TANC1: variants seen among roughly 807,000 people sequenced by gnomAD.
The protein encoded by TANC1 is tetratricopeptide repeat, ankyrin repeat and coiled-coil containing 1.
A neutral mutation model predicts 149.7 loss-of-function variants in TANC1; 77 were observed. The ratio of observed to expected loss-of-function variants is 0.51; its 90% CI spans 0.43 to 0.62. The LOEUF is 0.62. Ranked by LOEUF, TANC1 falls within the 20% of genes least tolerant of loss-of-function variation. The pLI is 0.00. For synonymous variants in TANC1, 854 were observed against 925.0 expected (o/e 0.92, Z 1.39); for missense variants, 1,985 against 2,321.8 (o/e 0.85, Z 2.98).
intron 4 of TANC1, among the ~76,000 whole-genome samples, chr2:159,120,435 G>T: frequency 6.6e-6 from 1 of 151,992 alleles, no homozygotes; most frequent in Non-Finnish European, 1.5e-5. Context: ...ACTTTACATG[G>T]TGGAGGGACT....
chr2:159,102,711 G>GT (rs2046846640), intron 4 of TANC1, among the ~76,000 whole-genome samples: 1 of 52,588 alleles, frequency 1.9e-5, no homozygotes, highest in African/African-American at 5.7e-5. Context: ...TTGGATATTT[G>GT]CTTTTTTTTT....
chr2:159,140,067 C>A (rs1461177608), intron 5 of TANC1, among the ~76,000 whole-genome samples: 1 of 151,746 alleles, frequency 6.6e-6, no homozygotes, highest in Non-Finnish European at 1.5e-5. Flanking sequence ...AACAAAAAGT[C>A]AAAAAATTAG....
intron 7 of TANC1, among the ~76,000 whole-genome samples, chr2:159,155,111 G>A (rs1457245866): frequency 6.6e-6 from 1 of 152,206 alleles, no homozygotes; most frequent in Non-Finnish European, 1.5e-5. Flanking sequence ...CACTGAAAAT[G>A]TGTTTTAAAG....
chr2:159,042,771 G>A (rs1350115070), intron 2 of TANC1, among the ~76,000 whole-genome samples: 3 of 152,068 alleles, frequency 2.0e-5, no homozygotes, highest in Non-Finnish European at 2.9e-5. Flanking sequence ...AAGAGCAAAG[G>A]TGTGAAGTTG....
At position 159,231,513 on chromosome 2, in the gene TANC1, T is replaced by G. The variant is rs1254514881; in HGVS notation, c.*501T>G. The G allele has an allele frequency of 1.3e-5, 2 of 155,270 alleles. No homozygotes were observed. The highest frequency in any genetic ancestry group is 2.9e-5 in the Non-Finnish European group (2 of 69,988). The allele number at this position is 155,270 out of a possible 1,614,324, so 9.6% of individuals were successfully genotyped here. ...AATTAAGTTCTGAGTGAGTTCTAGC[T>G]AAATATAAGTGCGACTGTAAACGCA... On this transcript the variant is annotated 3_prime_UTR_variant, in exon 27 of 27. Transcript: ENST00000263635.
At chr2:159,015,124 C>T (rs2038138076) in intron 2 of TANC1, among the ~76,000 whole-genome samples, 2 of 152,242 alleles carry the variant, frequency 1.3e-5, no homozygotes, top group Non-Finnish European at 2.9e-5. Flanking sequence ...CGTGAGGGGT[C>T]TACCCCTACA....
At chr2:159,060,121 GACTA>G (rs928918638) in intron 2 of TANC1, 3 of 972,492 alleles carry the variant, frequency 3.1e-6, no homozygotes, top group African/African-American at 1.8e-5. Context: ...ACGTGAGTCA[GACTA>G]ACTACGTTTT....
intron 9 of TANC1, among the ~76,000 whole-genome samples, chr2:159,170,154 A>T (rs1011632389): frequency 9.2e-5 from 14 of 152,210 alleles, no homozygotes; most frequent in Admixed American, 8.5e-4. Context: ...TTTTATTCAT[A>T]CAGCAGGGAA....
chr2:159,226,088 T>A (rs2060008125), intron 24 of TANC1: 9 of 354,716 alleles, frequency 2.5e-5, no homozygotes, highest in South Asian at 2.3e-4. Context: ...GAGAATTGTT[T>A]CAATCTGGGA....
intron 5 of TANC1, among the ~76,000 whole-genome samples, chr2:159,137,708 T>G (rs1036149115): frequency 2.0e-5 from 3 of 152,180 alleles, no homozygotes; most frequent in African/African-American, 7.2e-5. Flanking sequence ...TGAATATCAG[T>G]CATCAAATGT....
At chr2:159,012,208 A>C (rs909210693) in intron 2 of TANC1, among the ~76,000 whole-genome samples, 26 of 152,332 alleles carry the variant, frequency 1.7e-4, no homozygotes, top group African/African-American at 6.3e-4. Context: ...AGCTTTTCTA[A>C]AAGTGAAATT....
chr2:158,978,062 T>G (rs1045965949), intron 1 of TANC1, among the ~76,000 whole-genome samples: 1 of 152,234 alleles, frequency 6.6e-6, no homozygotes, highest in Non-Finnish European at 1.5e-5. Context: ...AATGTCTTTC[T>G]CTGTTTGCTT....
At chr2:159,075,283 A>C (rs1235082757) in intron 3 of TANC1, among the ~76,000 whole-genome samples, 1 of 152,224 alleles carries the variant, frequency 6.6e-6, no homozygotes, top group East Asian at 1.9e-4. Flanking sequence ...AATTCGAAAA[A>C]TACGCTGGGC....
At chr2:159,078,342 G>A (rs2043905584) in intron 3 of TANC1, among the ~76,000 whole-genome samples, 1 of 152,172 alleles carries the variant, frequency 6.6e-6, no homozygotes, top group South Asian at 2.1e-4. Context: ...TTGGTAAGTG[G>A]TTAATCATCT....
At chr2:159,156,529 A>G (rs533942460) in intron 7 of TANC1, among the ~76,000 whole-genome samples, 3 of 152,306 alleles carry the variant, frequency 2.0e-5, no homozygotes, top group Admixed American at 6.5e-5. Flanking sequence ...CACAGCATCT[A>G]TTGTCAAAAC....
At chr2:159,171,935 C>G (rs570619146) in intron 10 of TANC1, among the ~76,000 whole-genome samples, 186 bp from the exon 11 acceptor site, 27 of 151,736 alleles carry the variant, frequency 1.8e-4, no homozygotes, top group African/African-American at 6.5e-4. Context: ...TGGCTGTTCT[C>G]CAGGGAGGGG....
chr2:159,170,765 G>A lies in TANC1; in HGVS notation c.1311G>A (p.Met437Ile). 6.2e-7 allele frequency: 1 copy of A among 1,614,250 alleles called. No individual in the cohort carries two copies. Among genetic ancestry groups the A allele is most frequent in the Non-Finnish European group, 8.5e-7 (1 of 1,180,046 alleles). ...LVALSCHGSRMRQIASNSPGS... is the reference protein window; with the variant it reads ...LVALSCHGSRIRQIASNSPGS... Reference sequence around the variant, plus strand: ...CCCTGAGCTGCCACGGAAGCCGCATGAGGCAGATTGCTTCCAACAGCCCGG... The same window carrying A: ...CCCTGAGCTGCCACGGAAGCCGCATAAGGCAGATTGCTTCCAACAGCCCGG... The change falls in exon 10 of 27, where the codon ATG becomes ATA. Residue 437 changes from methionine to isoleucine, a missense_variant. By Grantham distance (10) the Met-to-Ile change is conservative. Around this residue, in one of 3 missense-constraint regions of TANC1, gnomAD observed 557 missense variants for 612.9 expected, o/e 0.91. Transcript: ENST00000263635.
At chr2:159,098,962 G>A (rs747677500) in intron 4 of TANC1, among the ~76,000 whole-genome samples, 1 of 151,988 alleles carries the variant, frequency 6.6e-6, no homozygotes, top group Non-Finnish European at 1.5e-5. Flanking sequence ...AATGTGCCTA[G>A]GGCTGTGAAA....
intron 2 of TANC1, among the ~76,000 whole-genome samples, chr2:159,022,136 C>T (rs2038878474): frequency 6.6e-6 from 1 of 152,178 alleles, no homozygotes; most frequent in South Asian, 2.1e-4. Context: ...ATGTTTTTAT[C>T]ATTGCACGCT....
Sources: gnomAD v4.1 joint callset for allele counts (sites outside exome capture counted in the v4.1 genomes callset) on GRCh38, gnomAD v4.1.1 for gene constraint, gnomAD v4.1.1 regional missense constraint, MANE v1.5 for transcripts, NCBI Gene and HGNC (gene_info 2026-07-23, HGNC 2026-07-21) for gene names.